Variants in ZNF33B observed in about 807,000 individuals in gnomAD.
ZNF33B encodes the protein zinc finger protein 33B, also known as zinc finger protein 11b (KOX 2).
A neutral mutation model predicts 45.8 loss-of-function variants in ZNF33B; 29 were observed. The ratio of observed to expected loss-of-function variants is 0.63; its 90% CI spans 0.47 to 0.86. ZNF33B has a LOEUF of 0.86. ZNF33B is among the 40% of genes least tolerant of loss of function. ZNF33B has a pLI of 0.00. For missense variants in ZNF33B, 831 were observed against 909.9 expected, an observed-to-expected ratio of 0.91 and a Z score of 1.12; for synonymous variants, 305 against 307.8, an observed-to-expected ratio of 0.99 and a Z score of 0.10.
intron 4 of ZNF33B, among the ~76,000 whole-genome samples, chr10:42,614,897 G>A (rs147183149): frequency 0.016 from 2,470 of 152,054 alleles, 69 homozygotes; most frequent in African/African-American, 0.057. Context: ...AGGCTGCAGT[G>A]AGCTGAGATC....
At chr10:42,607,316 T>C (rs1184917527) in intron 4 of ZNF33B, among the ~76,000 whole-genome samples, 1 of 129,236 alleles carries the variant, frequency 7.7e-6, no homozygotes, top group South Asian at 2.6e-4. Flanking sequence ...TACTAAAATA[T>C]ATTCATTTCA....
intron 4 of ZNF33B, among the ~76,000 whole-genome samples, chr10:42,622,005 C>T (rs568895979): frequency 1.3e-5 from 2 of 152,268 alleles, no homozygotes; most frequent in South Asian, 4.1e-4. Flanking sequence ...GATACATCAA[C>T]ACACAAAAAT....
At position 42,638,172 on chromosome 10, in the gene ZNF33B, C is replaced by T. The variant is rs372076202; in HGVS notation, c.-45+302G>A. 2.6e-5 allele frequency among the ~76,000 whole-genome samples: 4 copies of T among 152,256 alleles called. No homozygotes were observed. In the East Asian group the frequency reaches 5.8e-4, roughly 22 times the overall value. On this transcript the variant is annotated intron_variant, in intron 1 of 4. Transcript: ENST00000359467. ...GCGCCCTAGCACATGGGCGTAAACA[C>T]GCTCAACCAGAGAACTGCCCCTCCC... is the stretch of plus-strand genomic sequence containing the variant.
chr10:42,618,299 G>A (rs545766555), intron 4 of ZNF33B, among the ~76,000 whole-genome samples: 2 of 152,102 alleles, frequency 1.3e-5, no homozygotes, highest in Middle Eastern at 3.4e-3. Flanking sequence ...TTTAATACTG[G>A]GTAACACTTC....
At position 42,592,414 on chromosome 10, in the gene ZNF33B, A is replaced by C. The variant is rs569564381; in HGVS notation, c.*199T>G. 2.6e-5 allele frequency: 21 copies of C among 811,278 alleles called. No homozygotes were observed. Among genetic ancestry groups the C allele is most frequent in the Non-Finnish European group, 3.7e-5 (20 of 541,346 alleles). 50.3% of individuals were successfully genotyped at this position (811,278 alleles called of 1,614,324 possible). A position where few individuals can be genotyped will look rare whatever the true frequency, so the allele number is the denominator to read the frequency against. ...GTATTAACCATCTGATATTCAACAG[A>C]ATATCACTTCCTAACAAAAGCCATC... On this transcript the variant is annotated 3_prime_UTR_variant, in exon 5 of 5. Coordinates refer to ENST00000359467, the MANE Select transcript of ZNF33B (RefSeq NM_006955.3).
chr10:42,612,539 T>G (rs1360977765), intron 4 of ZNF33B, among the ~76,000 whole-genome samples: 1 of 152,106 alleles, frequency 6.6e-6, no homozygotes, highest in Non-Finnish European at 1.5e-5. Context: ...CCCAGCCAGA[T>G]TAATTGATTT....
At chr10:42,628,084 T>G (rs546238070) in intron 4 of ZNF33B, among the ~76,000 whole-genome samples, 17 of 152,184 alleles carry the variant, frequency 1.1e-4, no homozygotes, top group Non-Finnish European at 1.5e-4. Flanking sequence ...TAGCACAATC[T>G]TGGCTCACTG....
At chr10:42,585,533 G>C (rs1012291792), downstream of ZNF33B, among the ~76,000 whole-genome samples, 1 of 152,214 alleles carries the variant, frequency 6.6e-6, no homozygotes, top group Non-Finnish European at 1.5e-5. Flanking sequence ...ATGGGAACTA[G>C]AAGTTATCTC....
intron 4 of ZNF33B, among the ~76,000 whole-genome samples, chr10:42,610,695 A>G (rs888266359): frequency 1.3e-5 from 2 of 152,256 alleles, no homozygotes; most frequent in African/African-American, 4.8e-5. Flanking sequence ...AAAGGCACTG[A>G]ATTGCATTCA....
At position 42,575,737 on chromosome 10, in the gene ZNF33B, T is replaced by TA. The variant is rs1465350419; in HGVS notation, c.74-1060_74-1059insT. On this transcript the variant is annotated intron_variant, in intron 1 of 1. Coordinates refer to the ZNF33B transcript ENST00000462075. ...ATATATATATATATATACATATATATTTTTTTTTTTTGAGACAGAGTCTCA... is the reference window on the plus strand; with the variant it reads ...ATATATATATATATATACATATATATATTTTTTTTTTTGAGACAGAGTCTCA... Among the ~76,000 whole-genome samples, 184 of 135,384 alleles carry TA rather than the reference T, an allele frequency of 1.4e-3. 1 individual carries two copies. The highest frequency in any genetic ancestry group is 2.2e-3 in the African/African-American group (72 of 33,264). The allele number at this position is 135,384 out of a possible 152,430, so 88.8% of individuals were successfully genotyped here. A position where few individuals can be genotyped will look rare whatever the true frequency, so the allele number is the denominator to read the frequency against.
intron 4 of ZNF33B, among the ~76,000 whole-genome samples, chr10:42,597,835 C>G (rs559513125): frequency 6.6e-6 from 1 of 152,142 alleles, no homozygotes; most frequent in Non-Finnish European, 1.5e-5. Context: ...AAACTGAATT[C>G]AATTTTACAT....
At chr10:42,608,860 C>T (rs1407254056) in intron 4 of ZNF33B, among the ~76,000 whole-genome samples, 1 of 149,452 alleles carries the variant, frequency 6.7e-6, no homozygotes, top group African/African-American at 2.5e-5. Context: ...AATATACAAA[C>T]CTCTAATTAG....
Position 42,625,038 on chromosome 10 carries a change from T to TTATATA in ZNF33B, c.250+6885_250+6890dup, listed in dbSNP as rs58614890. The stretch of plus-strand genomic sequence containing the variant: ...AAATTTCTCAAAATTGTTTCATATT[T>TTATATA]TATATATATATATATATATATATGG... On this transcript the variant is annotated intron_variant, in intron 4 of 4. Transcript: ENST00000359467. 2.4e-3 allele frequency among the ~76,000 whole-genome samples: 347 copies of TTATATA among 145,548 alleles called. 1 individual carries two copies. Among genetic ancestry groups the TTATATA allele is most frequent in the East Asian group, 4.8e-3 (24 of 4,950 alleles).
rs553572450 is a variant in ZNF33B at position 42,580,848 on chromosome 10, C to T, written c.74-6170G>A. The stretch of plus-strand genomic sequence containing the variant: ...GGCAGAGGTTGCAGTGAGCTAAGAT[C>T]GCGCCACTGCACTCCAGCCTGGGTA... On this transcript the variant is annotated intron_variant, in intron 1 of 1. Coordinates refer to the ZNF33B transcript ENST00000462075. Among the ~76,000 whole-genome samples the T allele has an allele frequency of 1.2e-4, 18 of 151,640 alleles. No homozygotes were observed. In the East Asian group the frequency reaches 2.2e-3, roughly 18 times the overall value.
intron 4 of ZNF33B, among the ~76,000 whole-genome samples, chr10:42,624,311 G>C (rs1039798774): frequency 1.3e-5 from 2 of 152,172 alleles, no homozygotes; most frequent in Admixed American, 1.3e-4. Flanking sequence ...GTCTATAACA[G>C]CATAATCAAT....
chr10:42,600,006 G>A (rs1006078791), intron 4 of ZNF33B, among the ~76,000 whole-genome samples: 1 of 151,864 alleles, frequency 6.6e-6, no homozygotes, highest in Non-Finnish European at 1.5e-5. Flanking sequence ...TTCTGTTATT[G>A]ATGTTTAATT....
intron 1 of ZNF33B, among the ~76,000 whole-genome samples, chr10:42,576,051 C>G (rs1836745104): frequency 6.6e-6 from 1 of 152,072 alleles, no homozygotes; most frequent in South Asian, 2.1e-4. Flanking sequence ...CCACCATGCC[C>G]AGCTAATTTT....
chr10:42,625,336 G>C (rs937931408), intron 4 of ZNF33B, among the ~76,000 whole-genome samples: 4 of 151,838 alleles, frequency 2.6e-5, no homozygotes, highest in Non-Finnish European at 5.9e-5. Context: ...ATTTTCTATG[G>C]AATAAGTGGT....
intron 4 of ZNF33B, among the ~76,000 whole-genome samples, chr10:42,626,376 T>C (rs1349327598): frequency 3.3e-5 from 5 of 152,178 alleles, no homozygotes; most frequent in African/African-American, 1.2e-4. Context: ...ATCAAAATAA[T>C]TTTTTAAATG....
Sources: allele counts gnomAD v4.1 joint callset (sites outside exome capture counted in the v4.1 genomes callset), GRCh38; gene constraint gnomAD v4.1.1; transcripts MANE v1.5; gene names NCBI Gene and HGNC (gene_info 2026-07-23, HGNC 2026-07-21).